Variants in FRMPD4 observed in about 807,000 individuals in gnomAD.
The protein encoded by FRMPD4 is FERM and PDZ domain containing 4, also known as FERM and PDZ domain-containing protein 4.
FRMPD4 carries 22 observed loss-of-function variants against 94.1 expected under a neutral mutation model. That is an observed-to-expected ratio of 0.23 (90% CI 0.17 to 0.33). The LOEUF is 0.33. Ranked by LOEUF, FRMPD4 falls within the 10% of genes least tolerant of loss-of-function variation. The probability of loss-of-function intolerance (pLI) is 1.00; values close to 1 mark genes in which losing one functional copy is unlikely to be tolerated. For missense variants in FRMPD4, 1,111 were observed against 1,339.9 expected (o/e 0.83, Z 2.67); for synonymous variants, 631 against 548.6 (o/e 1.15, Z -2.10).
At chrX:12,491,308 A>T (rs906955151) in intron 1 of FRMPD4, among the ~76,000 whole-genome samples, 1 of 112,494 alleles carries the variant, frequency 8.9e-6, no homozygotes. Context: ...AACCACCTTA[A>T]TCTGACAACC....
At chrX:11,912,383 G>A (rs2054001325) in intron 3 of FRMPD4, among the ~76,000 whole-genome samples, 1 of 112,577 alleles carries the variant, frequency 8.9e-6, no homozygotes, top group South Asian at 3.7e-4. Flanking sequence ...TTCAATCTAA[G>A]TGATTGACAC....
chrX:12,316,605 T>C (rs1051880557), intron 1 of FRMPD4, among the ~76,000 whole-genome samples: 3 of 112,226 alleles, frequency 2.7e-5, no homozygotes, highest in Non-Finnish European at 5.6e-5. Flanking sequence ...TGACCAGTTT[T>C]GTTGATACTT....
At chrX:12,478,524 A>G (rs2057632546) in intron 1 of FRMPD4, among the ~76,000 whole-genome samples, 1 of 112,211 alleles carries the variant, frequency 8.9e-6, no homozygotes, top group African/African-American at 3.2e-5. Flanking sequence ...TCGAGGCTGC[A>G]GTGAGCCATG....
rs751955715 is a variant in FRMPD4 at position 12,443,903 on chromosome X, T to G, written c.42-54777T>G. Among the ~76,000 whole-genome samples the G allele has an allele frequency of 6.1e-4, 68 of 112,136 alleles. 1 individual carries two copies. The highest frequency in any genetic ancestry group is 2.1e-3 in the African/African-American group (66 of 30,955). On this transcript the variant is annotated intron_variant, in intron 1 of 16. Transcript: ENST00000675598. ...GGTGAGTTAGCCTTCTTTGAAAAACTTCAACTTGCATATCATTTGCGTCAT... is the reference window on the plus strand; with the variant it reads ...GGTGAGTTAGCCTTCTTTGAAAAACGTCAACTTGCATATCATTTGCGTCAT...
intron 3 of FRMPD4, among the ~76,000 whole-genome samples, chrX:12,067,270 T>C (rs185862862): frequency 9.0e-6 from 1 of 111,245 alleles, no homozygotes; most frequent in East Asian, 2.8e-4. Context: ...CACCGCACCT[T>C]TGATCCCCGG....
chrX:12,707,883 G>A (rs1051733308), intron 13 of FRMPD4, among the ~76,000 whole-genome samples: 9 of 112,048 alleles, frequency 8.0e-5, no homozygotes, highest in Non-Finnish European at 1.3e-4. Flanking sequence ...TTATTCATAC[G>A]TGAGAAAGCA....
chrX:12,626,005 C>G (rs1191750711), intron 4 of FRMPD4, among the ~76,000 whole-genome samples: 1 of 111,369 alleles, frequency 9.0e-6, no homozygotes, highest in Non-Finnish European at 1.9e-5. Context: ...CACTTAGATA[C>G]AGGGAGCGTA....
chrX:12,213,870 T>G (rs956435686), intron 1 of FRMPD4, among the ~76,000 whole-genome samples: 5 of 112,424 alleles, frequency 4.4e-5, no homozygotes, highest in African/African-American at 1.6e-4. Flanking sequence ...TTTCATTTAT[T>G]CTTAAAATTC....
chrX:12,529,513 T>C (rs1045621002), intron 2 of FRMPD4, among the ~76,000 whole-genome samples: 7 of 112,569 alleles, frequency 6.2e-5, no homozygotes, highest in African/African-American at 1.9e-4. Context: ...ACTCAGAAGC[T>C]GCCTAGCAGA....
intron 3 of FRMPD4, among the ~76,000 whole-genome samples, chrX:11,986,134 A>G (rs1430273767): frequency 8.9e-6 from 1 of 112,504 alleles, no homozygotes; most frequent in East Asian, 2.8e-4. Flanking sequence ...GTACAGTCCC[A>G]GTGTTGATGG....
At chrX:11,967,699 G>A (rs1348238206) in intron 3 of FRMPD4, among the ~76,000 whole-genome samples, 6 of 108,354 alleles carry the variant, frequency 5.5e-5, no homozygotes, top group African/African-American at 1.0e-4. Context: ...AACAGGAACC[G>A]GGAATACACG....
chrX:12,654,204 C>G, intron 4 of FRMPD4, among the ~76,000 whole-genome samples: 1 of 112,437 alleles, frequency 8.9e-6, no homozygotes, highest in East Asian at 2.8e-4. Context: ...TAAAACCTCT[C>G]TTTCTAACTC....
At chrX:11,945,060 ACT>A (rs1435858783) in intron 3 of FRMPD4, among the ~76,000 whole-genome samples, 3 of 111,725 alleles carry the variant, frequency 2.7e-5, no homozygotes, top group African/African-American at 9.8e-5. Context: ...TTGATGTCAG[ACT>A]CTCTGAGGGT....
intron 3 of FRMPD4, among the ~76,000 whole-genome samples, chrX:11,898,787 T>C (rs1454514440): frequency 8.9e-6 from 1 of 111,976 alleles, no homozygotes; most frequent in Non-Finnish European, 1.9e-5. Flanking sequence ...TCTGGAACTA[T>C]TTTGAAAGTA....
chrX:11,934,171 T>A (rs1046174546), intron 3 of FRMPD4, among the ~76,000 whole-genome samples: 1 of 112,300 alleles, frequency 8.9e-6, no homozygotes, highest in East Asian at 2.8e-4. Context: ...CATTGCATAC[T>A]TACTGGGTCA....
intron 1 of FRMPD4, among the ~76,000 whole-genome samples, chrX:12,372,507 C>G (rs752830973): frequency 8.8e-6 from 1 of 113,023 alleles, no homozygotes; most frequent in Admixed American, 9.3e-5. Flanking sequence ...AGCAGTGATG[C>G]TGGCTCCTCC....
intron 7 of FRMPD4, 92 bp downstream of exon 7, chrX:12,686,296 C>G (rs1486717124): frequency 2.1e-6 from 1 of 469,206 alleles, no homozygotes; most frequent in Non-Finnish European, 3.8e-6. Flanking sequence ...TCTTTCAGAA[C>G]TATCCCTTTA....
At chrX:12,531,117 T>C (rs914530552) in intron 2 of FRMPD4, among the ~76,000 whole-genome samples, 21 of 112,487 alleles carry the variant, frequency 1.9e-4, no homozygotes, top group African/African-American at 6.1e-4. Context: ...TTGATATTTC[T>C]CAATGGCAAT....
intron 1 of FRMPD4, among the ~76,000 whole-genome samples, chrX:12,168,659 T>C (rs1436216770): frequency 3.7e-5 from 3 of 81,945 alleles, no homozygotes; most frequent in Non-Finnish European, 6.7e-5. Context: ...AGAGTCTCAC[T>C]CTGTCACCCA....
Sources: gnomAD v4.1 joint callset for allele counts (sites outside exome capture counted in the v4.1 genomes callset) on GRCh38, gnomAD v4.1.1 for gene constraint, MANE v1.5 for transcripts, NCBI Gene and HGNC (gene_info 2026-07-23, HGNC 2026-07-21) for gene names.